ANKFY1: variants seen among roughly 807,000 people sequenced by gnomAD.
ANKFY1 encodes ankyrin repeat and FYVE domain-containing protein 1.
In ANKFY1, 47 loss-of-function variants were observed where a neutral mutation model predicts 128.3. The ratio of observed to expected loss-of-function variants is 0.37; its 90% confidence interval spans 0.29 to 0.47. The LOEUF (loss-of-function observed/expected upper bound fraction) is 0.47, where lower values mean the gene tolerates loss of function less well. Ranked by LOEUF, ANKFY1 falls within the 20% of genes least tolerant of loss-of-function variation. The probability of loss-of-function intolerance (pLI) is 1.00; values close to 1 mark genes in which losing one functional copy is unlikely to be tolerated. For missense variants in ANKFY1, 1,222 were observed against 1,510.6 expected, an observed-to-expected ratio of 0.81 and a Z score of 3.17; for synonymous variants, 553 against 601.6, an observed-to-expected ratio of 0.92 and a Z score of 1.18.
rs929826974 is a variant in ANKFY1 at position 4,181,788 on chromosome 17, G to C, written c.2121+393C>G. On this transcript the variant is annotated intron_variant, in intron 15 of 24. Transcript: ENST00000341657. This position sits in a 1 kb window ranked among gnomAD's most constrained non-coding sequence, Gnocchi z 4.9. ...CTTCATATCACACTGCAGGCCCTTC[G>C]GAGAGCTGAATGAGAATGTGCAGGT... Among the ~76,000 whole-genome samples the C allele has an allele frequency of 6.6e-6, 1 of 152,104 alleles. No individual in the cohort carries two copies. The highest frequency in any genetic ancestry group is 2.4e-5 in the African/African-American group (1 of 41,428).
intron 4 of ANKFY1, among the ~76,000 whole-genome samples, chr17:4,214,161 A>G (rs529535579): frequency 2.6e-5 from 4 of 152,226 alleles, no homozygotes; most frequent in Non-Finnish European, 5.9e-5. Context: ...CCTTTACAGC[A>G]TTTGCTGAGA....
Position 4,184,852 on chromosome 17 carries a change from A to C in ANKFY1, c.1665T>G (p.His555Gln), listed in dbSNP as rs202027800. ...CCAGGATGACAGACACCACATCCGGATGGTTATAGGCGATCGCCATGTGCA... is the reference window on the plus strand; with the variant it reads ...CCAGGATGACAGACACCACATCCGGCTGGTTATAGGCGATCGCCATGTGCA... ...TPLHMAIAYN[H>Q]PDVVSVILEQ... The change falls in exon 12 of 25, where the codon CAT (histidine) becomes CAG (glutamine). Residue 555 changes from histidine (H) to glutamine (Q), a missense_variant. His to Gln is a conservative substitution (Grantham distance 24). Transcript: ENST00000341657. 1,260 of 1,613,636 alleles carry C rather than the reference A, an allele frequency of 7.8e-4. 2 individuals carry two copies. Among genetic ancestry groups the C allele is most frequent in the Non-Finnish European group, 9.9e-4 (1,165 of 1,180,036 alleles).
intron 18 of ANKFY1, 42 bp from the exon 19 acceptor site, chr17:4,177,344 A>C: frequency 1.3e-6 from 2 of 1,522,104 alleles, no homozygotes; most frequent in East Asian, 2.4e-5. Flanking sequence ...TTCCCTTTTC[A>C]GAGTACCTCC....
chr17:4,174,301 T>C (rs1180036006), intron 19 of ANKFY1, among the ~76,000 whole-genome samples: 1 of 152,178 alleles, frequency 6.6e-6, no homozygotes, highest in Non-Finnish European at 1.5e-5. Flanking sequence ...ATGCAGAAAC[T>C]CTACTTCTAA....
intron 10 of ANKFY1, among the ~76,000 whole-genome samples, chr17:4,193,463 T>C (rs1001359002): frequency 1.4e-5 from 2 of 145,880 alleles, no homozygotes; most frequent in Non-Finnish European, 3.0e-5. Flanking sequence ...AGTTTCATTC[T>C]TGTTGCCCAG....
intron 1 of ANKFY1, among the ~76,000 whole-genome samples, chr17:4,255,341 G>C (rs1388607356): frequency 1.0e-4 from 15 of 150,516 alleles, no homozygotes; most frequent in Admixed American, 9.9e-4. Context: ...CTGCCTCCCG[G>C]GTTCAAGCAA....
At chr17:4,208,746 A>AAACAAC (rs143082882) in intron 5 of ANKFY1, among the ~76,000 whole-genome samples, 61 of 152,214 alleles carry the variant, frequency 4.0e-4, no homozygotes, top group African/African-American at 1.3e-3. Flanking sequence ...CTAAAACTGC[A>AAACAAC]AACAACAACA....
Position 4,182,302 on chromosome 17 carries a change from A to C in ANKFY1, c.2000T>G (p.Leu667Arg), listed in dbSNP as rs2059530585. ...TALQLAIRNQ[L>R]PLVVDAICTR... ...GCATATGGCATCAACTACGAGTGGA[A>C]GCTGGTTTCTGATGGCCAGCTGGAG... is the stretch of plus-strand genomic sequence containing the variant. The change falls in exon 15 of 25, where the codon CTT (leucine) becomes CGT (arginine). Residue 667 changes from leucine (L) to arginine (R), a missense_variant. By Grantham distance (102) the Leu-to-Arg change is moderately radical. Transcript: ENST00000341657. 1 of 1,593,262 alleles carries C rather than the reference A, an allele frequency of 6.3e-7. No individual in the cohort carries two copies. The highest frequency in any genetic ancestry group is 8.6e-7 in the Non-Finnish European group (1 of 1,168,938).
chr17:4,188,099 G>C (rs983142720), intron 11 of ANKFY1: 1 of 152,418 alleles, frequency 6.6e-6, no homozygotes, highest in Non-Finnish European at 1.5e-5. Flanking sequence ...GCATGGAGAA[G>C]GTGAGAGGGC....
At chr17:4,189,591 G>A (rs1163465767) in intron 10 of ANKFY1, 112 bp from the exon 11 acceptor site, 19 of 929,088 alleles carry the variant, frequency 2.0e-5, no homozygotes, top group Non-Finnish European at 2.9e-5. Flanking sequence ...ACGCCAGACA[G>A]TAGGCCCACA....
chr17:4,202,981 C>CACATATATATATATATAT (rs56856304), intron 7 of ANKFY1, among the ~76,000 whole-genome samples: 45 of 146,300 alleles, frequency 3.1e-4, no homozygotes, highest in African/African-American at 1.1e-3. Context: ...TAATCATACA[C>CACATATATATATATATAT]ATATATATAT....
At chr17:4,230,263 A>G (rs1226627569) in intron 3 of ANKFY1, among the ~76,000 whole-genome samples, 2 of 152,192 alleles carry the variant, frequency 1.3e-5, no homozygotes, top group African/African-American at 2.4e-5. Context: ...ATAAAGGAGG[A>G]TGTTTTCTGC....
rs116706882 is a variant in ANKFY1, at chr17:4,247,992, C to A, written c.11-5544G>T. On this transcript the variant is annotated intron_variant, in intron 1 of 24. Transcript: ENST00000341657. ...CCTGTGTTGCAAGATTCTCCCTGCA[C>A]ACTGATAGCCCAGAGCTCGCATTCC... 3.8e-3 allele frequency among the ~76,000 whole-genome samples: 574 copies of A among 152,332 alleles called. 3 individuals carry two copies. The highest frequency in any genetic ancestry group is 0.013 in the African/African-American group (561 of 41,576).
chr17:4,215,774 C>G (rs980699182), intron 4 of ANKFY1, among the ~76,000 whole-genome samples: 1 of 152,142 alleles, frequency 6.6e-6, no homozygotes, highest in African/African-American at 2.4e-5. Flanking sequence ...GACATTTTTA[C>G]AAAAGCAATT....
chr17:4,176,581 G>A (rs1416858812), intron 19 of ANKFY1, among the ~76,000 whole-genome samples: 3 of 152,106 alleles, frequency 2.0e-5, no homozygotes, highest in Non-Finnish European at 4.4e-5. Context: ...ACTTTCCTAC[G>A]TAAACACACC....
chr17:4,207,145 G>A (rs750747094), intron 6 of ANKFY1, among the ~76,000 whole-genome samples: 4 of 152,040 alleles, frequency 2.6e-5, no homozygotes, highest in Admixed American at 6.6e-5. Flanking sequence ...TCTAACCACA[G>A]AGGGCCCGAC....
At chr17:4,262,240 G>A (rs924721269) in intron 1 of ANKFY1, among the ~76,000 whole-genome samples, 5 of 152,084 alleles carry the variant, frequency 3.3e-5, no homozygotes, top group Non-Finnish European at 7.4e-5. Flanking sequence ...GGATTCAAAT[G>A]ATCCTCCCAC....
chr17:4,197,323 A>T, intron 8 of ANKFY1, 50 bp downstream of exon 8: 1 of 1,586,232 alleles, frequency 6.3e-7, no homozygotes, highest in Non-Finnish European at 8.6e-7. Context: ...CTACTGTAAG[A>T]TATCTTCTGA....
intron 3 of ANKFY1, among the ~76,000 whole-genome samples, chr17:4,234,949 CTATTA>C (rs952418412): frequency 3.3e-5 from 5 of 152,138 alleles, no homozygotes; most frequent in African/African-American, 1.2e-4. Flanking sequence ...TAACCCAAAC[CTATTA>C]AAATTCTGAA....
Sources: gnomAD v4.1 joint callset for allele counts (sites outside exome capture counted in the v4.1 genomes callset) on GRCh38, gnomAD v4.1.1 for gene constraint, Gnocchi (gnomAD v3.1) non-coding constraint, MANE v1.5 for transcripts, NCBI Gene and HGNC (gene_info 2026-07-23, HGNC 2026-07-21) for gene names.